The following PCDH9 variants were observed in gnomAD, a reference collection of about 807,000 sequenced individuals.
PCDH9 encodes the protein protocadherin 9.
In PCDH9, 24 loss-of-function variants were observed where a neutral mutation model predicts 70.6. That is an observed-to-expected ratio of 0.34 (90% CI 0.25 to 0.48). PCDH9 has a LOEUF of 0.48. Ranked by LOEUF, PCDH9 falls within the 20% of genes least tolerant of loss-of-function variation. The pLI, the probability that PCDH9 is intolerant of heterozygous loss-of-function variation, is 0.99. For synonymous variants in PCDH9, 562 were observed against 558.5 expected (o/e 1.01, Z -0.09); for missense variants, 1,281 against 1,503.6 (o/e 0.85, Z 2.45).
At chr13:66,520,108 G>GCTCTCAGTGTGCTGCAGTGCTCTCAGTGT (rs1466146552) in intron 4 of PCDH9, among the ~76,000 whole-genome samples, 2 of 152,068 alleles carry the variant, frequency 1.3e-5, no homozygotes, top group East Asian at 3.9e-4. Flanking sequence ...TGTGCTGCAG[G>GCTCTCAGTGTGCTGCAGTGCTCTCAGTGT]GCTCTCTGTG....
intron 3 of PCDH9, among the ~76,000 whole-genome samples, chr13:66,726,411 T>C (rs1266928578): frequency 1.3e-5 from 2 of 152,224 alleles, no homozygotes; most frequent in East Asian, 1.9e-4. Context: ...AAAAGAAGCA[T>C]ACAAACTCAG....
At chr13:67,211,364 A>G (rs2138082848) in intron 2 of PCDH9, 1 of 152,160 alleles carries the variant, frequency 6.6e-6, no homozygotes, top group Non-Finnish European at 1.5e-5. Flanking sequence ...CAGAAGTCTA[A>G]TTGCAATTAA....
intron 4 of PCDH9, among the ~76,000 whole-genome samples, chr13:66,389,732 C>T (rs1206705269): frequency 6.6e-6 from 1 of 152,118 alleles, no homozygotes; most frequent in African/African-American, 2.4e-5. Flanking sequence ...TAAGAAGAGC[C>T]ATATTGATCT....
intron 2 of PCDH9, among the ~76,000 whole-genome samples, chr13:66,912,145 A>G (rs946444384): frequency 6.6e-6 from 1 of 152,186 alleles, no homozygotes; most frequent in African/African-American, 2.4e-5. Context: ...CTGTTTTAAA[A>G]GTGTTCACTA....
At chr13:66,701,056 A>G (rs1377437328) in intron 3 of PCDH9, among the ~76,000 whole-genome samples, 1 of 147,452 alleles carries the variant, frequency 6.8e-6, no homozygotes, top group Non-Finnish European at 1.5e-5. Context: ...TCTGTTTTTA[A>G]GTTAAGTTTT....
chr13:66,322,034 C>T (rs1955764681), intron 4 of PCDH9, among the ~76,000 whole-genome samples: 1 of 147,112 alleles, frequency 6.8e-6, no homozygotes, highest in East Asian at 2.0e-4. Context: ...CAGAGCCATA[C>T]ATTGTATATT....
intron 3 of PCDH9, among the ~76,000 whole-genome samples, chr13:66,807,525 A>T (rs1315098863): frequency 6.6e-6 from 1 of 152,198 alleles, no homozygotes; most frequent in Non-Finnish European, 1.5e-5. Context: ...AAGTTCCTTA[A>T]CTTCTCTGGC....
intron 3 of PCDH9, among the ~76,000 whole-genome samples, chr13:66,805,360 AT>A (rs1327120415): frequency 6.6e-6 from 1 of 152,160 alleles, no homozygotes; most frequent in Non-Finnish European, 1.5e-5. Context: ...TAATGCAATA[AT>A]TCAGGGATGG....
At chr13:67,160,984 A>T (rs1027929956) in intron 2 of PCDH9, among the ~76,000 whole-genome samples, 1 of 152,208 alleles carries the variant, frequency 6.6e-6, no homozygotes, top group Admixed American at 6.5e-5. Context: ...AATTTCAGCT[A>T]ATCTTTCTGG....
At chr13:66,459,907 T>G (rs1365174856) in intron 4 of PCDH9, among the ~76,000 whole-genome samples, 1 of 151,920 alleles carries the variant, frequency 6.6e-6, no homozygotes, top group East Asian at 1.9e-4. Context: ...CGACTGTATT[T>G]CTCACGTAGA....
chr13:66,835,704 A>G (rs1286419205), intron 3 of PCDH9, among the ~76,000 whole-genome samples: 1 of 152,204 alleles, frequency 6.6e-6, no homozygotes, highest in Non-Finnish European at 1.5e-5. Flanking sequence ...CTGAATTAAT[A>G]CATTTACAAC....
chr13:66,860,016 T>C (rs1003767681), intron 3 of PCDH9, among the ~76,000 whole-genome samples: 3 of 152,110 alleles, frequency 2.0e-5, no homozygotes, highest in Admixed American at 1.3e-4. Context: ...ACAAGGTAGA[T>C]TGGGTTATAA....
intron 3 of PCDH9, among the ~76,000 whole-genome samples, chr13:66,813,375 C>A (rs879465295): frequency 6.6e-6 from 1 of 151,664 alleles, no homozygotes; most frequent in Non-Finnish European, 1.5e-5. Flanking sequence ...GCTGTACAAC[C>A]TCTGGTGTAC....
intron 3 of PCDH9, among the ~76,000 whole-genome samples, chr13:66,752,623 G>C (rs1037452398): frequency 6.6e-6 from 1 of 152,192 alleles, no homozygotes; most frequent in Non-Finnish European, 1.5e-5. Context: ...TAATGGAAGA[G>C]AAACCTTATT....
intron 3 of PCDH9, among the ~76,000 whole-genome samples, chr13:66,901,636 C>A (rs2082278138): frequency 6.6e-6 from 1 of 151,756 alleles, no homozygotes; most frequent in East Asian, 1.9e-4. Context: ...CATCATAACT[C>A]TAGATGTCAT....
chr13:66,622,024 G>A (rs1409507242), intron 4 of PCDH9, among the ~76,000 whole-genome samples: 3 of 152,240 alleles, frequency 2.0e-5, no homozygotes, highest in African/African-American at 7.2e-5. Context: ...CGTGGGCTTG[G>A]TGGGCCCCGC....
chr13:66,527,847 G>A (rs372577288), intron 4 of PCDH9, among the ~76,000 whole-genome samples: 1 of 151,998 alleles, frequency 6.6e-6, no homozygotes, highest in African/African-American at 2.4e-5. Context: ...GCAAAATCCC[G>A]TCTCTACTAA....
chr13:66,808,532 A>G (rs2080447014), intron 3 of PCDH9, among the ~76,000 whole-genome samples: 1 of 152,234 alleles, frequency 6.6e-6, no homozygotes, highest in Non-Finnish European at 1.5e-5. Flanking sequence ...AAAAAAACAG[A>G]ATTAGCACAC....
intron 2 of PCDH9, among the ~76,000 whole-genome samples, chr13:66,964,229 G>A (rs1456119840): frequency 6.6e-6 from 1 of 151,772 alleles, no homozygotes; most frequent in African/African-American, 2.4e-5. Flanking sequence ...GCTGTCTAAT[G>A]CATATAAAGA....
Sources: gnomAD v4.1 joint callset for allele counts (sites outside exome capture counted in the v4.1 genomes callset) on GRCh38, gnomAD v4.1.1 for gene constraint, MANE v1.5 for transcripts, NCBI Gene and HGNC (gene_info 2026-07-23, HGNC 2026-07-21) for gene names.